The following ADAMTS17 variants were observed in gnomAD, a reference collection of about 807,000 sequenced individuals.
ADAMTS17 encodes ADAM metallopeptidase with thrombospondin type 1 motif 17, also known as A disintegrin and metalloproteinase with thrombospondin motifs 17.
In ADAMTS17, 113 loss-of-function variants were observed where a neutral mutation model predicts 141.5. That is an observed-to-expected ratio of 0.80 (90% CI 0.69 to 0.93). The LOEUF (loss-of-function observed/expected upper bound fraction) is 0.93. ADAMTS17 is among the 40% of genes least tolerant of loss of function. ADAMTS17 has a pLI of 0.00. For synonymous variants in ADAMTS17, 768 were observed against 630.6 expected, an observed-to-expected ratio of 1.22 and a Z score of -3.27; for missense variants, 1,659 against 1,517.9, an observed-to-expected ratio of 1.09 and a Z score of -1.54.
chr15:100,084,549 G>C (rs2034971920), intron 15 of ADAMTS17, among the ~76,000 whole-genome samples: 1 of 152,222 alleles, frequency 6.6e-6, no homozygotes, highest in Admixed American at 6.5e-5. Context: ...GCCTCCTCAA[G>C]TTGGGTCCCT....
chr15:100,024,895 G>C (rs1260302737), intron 18 of ADAMTS17, among the ~76,000 whole-genome samples: 1 of 152,168 alleles, frequency 6.6e-6, no homozygotes, highest in Non-Finnish European at 1.5e-5. Context: ...CCTGCTTCAA[G>C]TAAATAAACA....
intron 2 of ADAMTS17, among the ~76,000 whole-genome samples, chr15:100,334,340 T>C (rs906479983): frequency 6.6e-5 from 10 of 152,200 alleles, no homozygotes; most frequent in Admixed American, 6.5e-4. Flanking sequence ...AGTCACACGA[T>C]TCCACAAAGA....
intron 18 of ADAMTS17, among the ~76,000 whole-genome samples, chr15:99,999,433 A>C (rs1386489148): frequency 6.6e-6 from 1 of 152,074 alleles, no homozygotes; most frequent in Non-Finnish European, 1.5e-5. Context: ...AGAGCCTGGG[A>C]GGAAGTGAGC....
chr15:100,061,371 G>T (rs1467620565), intron 15 of ADAMTS17, among the ~76,000 whole-genome samples: 1 of 152,166 alleles, frequency 6.6e-6, no homozygotes, highest in Non-Finnish European at 1.5e-5. Flanking sequence ...GGAGATTAGG[G>T]ATCGGCTCTC....
At chr15:100,125,878 A>C (rs2037706966) in intron 12 of ADAMTS17, among the ~76,000 whole-genome samples, 1 of 152,160 alleles carries the variant, frequency 6.6e-6, no homozygotes, top group Admixed American at 6.5e-5. Flanking sequence ...ATTTTTGGAC[A>C]GTGAATAAAC....
chr15:100,190,298 C>A (rs1005238724), intron 8 of ADAMTS17, among the ~76,000 whole-genome samples: 2 of 152,194 alleles, frequency 1.3e-5, no homozygotes, highest in Admixed American at 6.5e-5. Flanking sequence ...CTCTCCCAGA[C>A]CCCCCAGCCC....
At chr15:100,250,269 C>T (rs1325093750) in intron 7 of ADAMTS17, among the ~76,000 whole-genome samples, 1 of 152,208 alleles carries the variant, frequency 6.6e-6, no homozygotes. Context: ...TACCAAATTA[C>T]ACAACACTGG....
chr15:100,277,366 T>C (rs2044134044), intron 4 of ADAMTS17, among the ~76,000 whole-genome samples: 1 of 152,118 alleles, frequency 6.6e-6, no homozygotes, highest in South Asian at 2.1e-4. Context: ...TCTGTCTCCA[T>C]GTACCAACCC....
At chr15:100,166,631 A>G (rs112336755) in intron 8 of ADAMTS17, among the ~76,000 whole-genome samples, 1,549 of 152,310 alleles carry the variant, frequency 0.01, 25 homozygotes, top group African/African-American at 0.034. Flanking sequence ...GATCATGGTT[A>G]AAGACCTGAC....
chr15:100,200,391 G>A (rs986663798), intron 7 of ADAMTS17, among the ~76,000 whole-genome samples: 1 of 152,220 alleles, frequency 6.6e-6, no homozygotes. Flanking sequence ...AGCAGGGGTG[G>A]GGAGGGCGAG....
intron 15 of ADAMTS17, among the ~76,000 whole-genome samples, chr15:100,068,104 T>C (rs2033681492): frequency 6.6e-6 from 1 of 152,148 alleles, no homozygotes; most frequent in Non-Finnish European, 1.5e-5. Context: ...CAGGAGATTA[T>C]ATCCTGCGCA....
At chr15:100,229,712 A>G (rs74689701) in intron 7 of ADAMTS17, among the ~76,000 whole-genome samples, 2 of 152,168 alleles carry the variant, frequency 1.3e-5, no homozygotes, top group Non-Finnish European at 2.9e-5. Flanking sequence ...TCCCACAACA[A>G]AACACCCACA....
At chr15:100,058,442 T>C (rs923145897) in intron 15 of ADAMTS17, among the ~76,000 whole-genome samples, 2 of 151,790 alleles carry the variant, frequency 1.3e-5, no homozygotes, top group African/African-American at 2.4e-5. Flanking sequence ...CCTCGGGCCC[T>C]TTTTTTAAAG....
At chr15:100,061,487 G>A (rs1452716948) in intron 15 of ADAMTS17, among the ~76,000 whole-genome samples, 3 of 152,212 alleles carry the variant, frequency 2.0e-5, no homozygotes, top group South Asian at 4.1e-4. Flanking sequence ...ACGATCACAA[G>A]AGCTGGTTCT....
chr15:100,216,638 C>T (rs1013855151), intron 7 of ADAMTS17, among the ~76,000 whole-genome samples: 4 of 152,162 alleles, frequency 2.6e-5, no homozygotes, highest in Non-Finnish European at 5.9e-5. Flanking sequence ...CTCACGGAAC[C>T]CTTTTTCCCG....
intron 3 of ADAMTS17, among the ~76,000 whole-genome samples, chr15:100,294,538 C>T (rs1331263786): frequency 1.3e-5 from 2 of 150,444 alleles, no homozygotes; most frequent in African/African-American, 4.9e-5. Context: ...AGTTTGAGAC[C>T]AGCGTGGGCA....
chr15:100,059,496 A>G (rs1280333327), intron 15 of ADAMTS17, among the ~76,000 whole-genome samples: 1 of 152,238 alleles, frequency 6.6e-6, no homozygotes, highest in African/African-American at 2.4e-5. Flanking sequence ...TCACTTAGCA[A>G]GATTCCAAAT....
chr15:99,984,106 A>G (rs1007551823), intron 20 of ADAMTS17, among the ~76,000 whole-genome samples: 5 of 152,154 alleles, frequency 3.3e-5, no homozygotes, highest in African/African-American at 1.2e-4. Context: ...CGGCAGTCTC[A>G]GCTTCAGGGG....
intron 6 of ADAMTS17, chr15:100,256,409 C>T (rs996892379): frequency 3.3e-5 from 5 of 152,204 alleles, no homozygotes; most frequent in African/African-American, 1.2e-4. Context: ...AACTCACAGC[C>T]AGGCATACAG....
Sources: gnomAD v4.1 joint callset for allele counts (sites outside exome capture counted in the v4.1 genomes callset) on GRCh38, gnomAD v4.1.1 for gene constraint, MANE v1.5 for transcripts, NCBI Gene and HGNC (gene_info 2026-07-23, HGNC 2026-07-21) for gene names.